Variants in CCDC171 observed in about 807,000 individuals in gnomAD.
The protein encoded by CCDC171 is coiled-coil domain containing 171.
In CCDC171, 177 loss-of-function variants were observed where a neutral mutation model predicts 168.2. That is an observed-to-expected ratio of 1.05 (90% confidence interval 0.93 to 1.19). CCDC171 has a LOEUF of 1.19. Ranked by LOEUF, CCDC171 falls within the 50% of genes most tolerant of loss-of-function variation. The pLI, the probability that CCDC171 is intolerant of heterozygous loss-of-function variation, is 0.00. For synonymous variants in CCDC171, 687 were observed against 540.8 expected (o/e 1.27, Z -3.75); for missense variants, 1,991 against 1,539.0 (o/e 1.29, Z -4.91).
chr9:15,583,981 C>G (rs912391150), intron 4 of CCDC171, among the ~76,000 whole-genome samples: 1 of 152,138 alleles, frequency 6.6e-6, no homozygotes, highest in African/African-American at 2.4e-5. Flanking sequence ...AATTCTCTGC[C>G]TCAGCCTCCC....
chr9:15,888,591 A>T (rs907746944), intron 24 of CCDC171, among the ~76,000 whole-genome samples: 6 of 152,168 alleles, frequency 3.9e-5, no homozygotes, highest in Non-Finnish European at 7.3e-5. Context: ...TCATACCAGA[A>T]ATTTACACAA....
intron 16 of CCDC171, among the ~76,000 whole-genome samples, chr9:15,739,813 C>T (rs2054734892): frequency 6.6e-6 from 1 of 151,912 alleles, no homozygotes; most frequent in South Asian, 2.1e-4. Context: ...TCTTGGCTCA[C>T]TGCAACCTCT....
intron 25 of CCDC171, among the ~76,000 whole-genome samples, chr9:15,931,634 A>G (rs1455177992): frequency 6.6e-6 from 1 of 150,748 alleles, no homozygotes; most frequent in East Asian, 2.0e-4. Context: ...ATGTAATCAC[A>G]TTTGTCCATT....
chr9:15,999,581 G>T (rs572503949), intron 3 of CCDC171, among the ~76,000 whole-genome samples: 1 of 152,134 alleles, frequency 6.6e-6, no homozygotes, highest in Non-Finnish European at 1.5e-5. Context: ...TCCAATAGTG[G>T]TGCAGCATCT....
intron 21 of CCDC171, among the ~76,000 whole-genome samples, chr9:15,792,572 A>G (rs1172976097): frequency 6.6e-6 from 1 of 152,204 alleles, no homozygotes; most frequent in Non-Finnish European, 1.5e-5. Flanking sequence ...GCAGCCAGAG[A>G]GAAAGGTCGG....
chr9:15,843,744 C>G (rs1254644350), intron 21 of CCDC171, among the ~76,000 whole-genome samples: 4 of 152,046 alleles, frequency 2.6e-5, no homozygotes, highest in African/African-American at 9.7e-5. Context: ...CTTTTTTCCT[C>G]AAATGTACTG....
At chr9:15,965,105 G>A (rs1338594683) in intron 25 of CCDC171, among the ~76,000 whole-genome samples, 1 of 152,224 alleles carries the variant, frequency 6.6e-6, no homozygotes, top group East Asian at 1.9e-4. Context: ...GCCTCATTTT[G>A]TCTCTGAATA....
chr9:15,651,003 C>T (rs1260451002), intron 7 of CCDC171, among the ~76,000 whole-genome samples: 1 of 152,136 alleles, frequency 6.6e-6, no homozygotes, highest in African/African-American at 2.4e-5. Context: ...GTCTTCCCTG[C>T]CACCCACACC....
chr9:15,882,771 C>G (rs80294003), intron 24 of CCDC171, among the ~76,000 whole-genome samples: 1 of 151,516 alleles, frequency 6.6e-6, no homozygotes, highest in East Asian at 2.0e-4. Context: ...GAGCAGTTTT[C>G]GTATTATCCC....
At chr9:15,560,034 T>C (rs941226867) in intron 1 of CCDC171, among the ~76,000 whole-genome samples, 1 of 152,200 alleles carries the variant, frequency 6.6e-6, no homozygotes, top group African/African-American at 2.4e-5. Context: ...GAAAATTCTT[T>C]TCTTTAAGAA....
chr9:15,947,239 G>A (rs1828514451), intron 25 of CCDC171, among the ~76,000 whole-genome samples: 1 of 151,834 alleles, frequency 6.6e-6, no homozygotes. Context: ...AACATTCATA[G>A]ACGTTAAAAA....
At chr9:15,684,660 C>G (rs1454054378) in intron 10 of CCDC171, among the ~76,000 whole-genome samples, 1 of 151,912 alleles carries the variant, frequency 6.6e-6, no homozygotes, top group Non-Finnish European at 1.5e-5. Flanking sequence ...ATGAAACAAA[C>G]AAAAAAGAAT....
intron 1 of CCDC171, among the ~76,000 whole-genome samples, chr9:15,555,118 C>T (rs1301939821): frequency 6.6e-6 from 1 of 152,230 alleles, no homozygotes; most frequent in Middle Eastern, 3.4e-3. Flanking sequence ...GCCTTTCTGG[C>T]TGGCACCTCC....
chr9:15,691,359 T>TA (rs907899570), intron 10 of CCDC171, among the ~76,000 whole-genome samples: 2 of 151,336 alleles, frequency 1.3e-5, no homozygotes, highest in Non-Finnish European at 3.0e-5. Context: ...CTATTTGAAT[T>TA]AAAAAATTAT....
chr9:16,025,004 C>T (rs1478492764), intron 6 of CCDC171, among the ~76,000 whole-genome samples: 1 of 152,194 alleles, frequency 6.6e-6, no homozygotes, highest in Non-Finnish European at 1.5e-5. Flanking sequence ...TCATACCTTG[C>T]TGGTGGGAAT....
Position 15,724,889 on chromosome 9 carries a change from G to A in CCDC171, c.1605G>A (p.Leu535=). 1 of 1,613,850 alleles carries A rather than the reference G, an allele frequency of 6.2e-7. No individual in the cohort carries two copies. The highest frequency in any genetic ancestry group is 8.5e-7 in the Non-Finnish European group (1 of 1,179,822). The part of the protein sequence containing the change: ...STLKVELQNV[L]HCWEKEKAQA... ...TAAAAGTGGAACTACAAAATGTGCT[G>A]CACTGTTGGGAGAAAGAAAAGGCTC... The change falls in exon 14 of 26, where the codon CTG becomes CTA. Residue 535 remains leucine (L), a synonymous_variant. Transcript: ENST00000380701.
At chr9:15,947,307 A>T (rs780586356) in intron 25 of CCDC171, among the ~76,000 whole-genome samples, 4 of 151,984 alleles carry the variant, frequency 2.6e-5, no homozygotes, top group Non-Finnish European at 5.9e-5. Flanking sequence ...ATCACTAAAT[A>T]CACTTTTAAA....
intron 1 of CCDC171, among the ~76,000 whole-genome samples, chr9:16,051,275 ACTTAGTC>A (rs1229134227): frequency 6.6e-6 from 1 of 152,162 alleles, no homozygotes; most frequent in Admixed American, 6.5e-5. Flanking sequence ...GATTCATGTC[ACTTAGTC>A]CCTCTGACCT....
At chr9:15,677,291 C>T (rs992902651) in intron 9 of CCDC171, among the ~76,000 whole-genome samples, 2 of 152,024 alleles carry the variant, frequency 1.3e-5, no homozygotes, top group African/African-American at 4.8e-5. Flanking sequence ...AATCCTTTTA[C>T]ACGTGTTTAT....
Sources: gnomAD v4.1 joint callset for allele counts (sites outside exome capture counted in the v4.1 genomes callset) on GRCh38, gnomAD v4.1.1 for gene constraint, MANE v1.5 for transcripts, NCBI Gene and HGNC (gene_info 2026-07-23, HGNC 2026-07-21) for gene names.